ZNF140: variants seen among roughly 807,000 people sequenced by gnomAD.
The protein encoded by ZNF140 is zinc finger protein 140.
ZNF140 carries 13 observed loss-of-function variants against 12.9 expected under a neutral mutation model. The observed-to-expected ratio is 1.01, with a 90% CI of 0.66 to 1.60. ZNF140 has a LOEUF of 1.60. Ranked by LOEUF, ZNF140 falls within the 40% of genes most tolerant of loss-of-function variation. The pLI, the probability that ZNF140 is intolerant of heterozygous loss-of-function variation, is 0.00. For missense variants in ZNF140, 531 were observed against 548.8 expected (o/e 0.97, Z 0.32); for synonymous variants, 214 against 186.7 (o/e 1.15, Z -1.19).
chr12:133,093,136 C>T (rs1954949392), intron 4 of ZNF140, among the ~76,000 whole-genome samples: 1 of 151,110 alleles, frequency 6.6e-6, no homozygotes, highest in African/African-American at 2.5e-5. Context: ...GATAATGATA[C>T]CCAATGGAAA....
chr12:133,085,853 C>CA (rs1954657249), intron 4 of ZNF140, among the ~76,000 whole-genome samples: 1 of 151,978 alleles, frequency 6.6e-6, no homozygotes, highest in Admixed American at 6.6e-5. Context: ...CCTGTCTCCA[C>CA]AAAAAAATTT....
At chr12:133,100,956 T>C (rs2316162) in intron 4 of ZNF140, 126,778 of 452,156 alleles carry the variant, frequency 0.28, 18,633 homozygotes, top group African/African-American at 0.35. Flanking sequence ...TCTGGAATTT[T>C]CTATTTAATA....
rs905226 is a variant in ZNF140 at position 133,106,675 on chromosome 12, T to C, written c.*24T>C. The C allele has an allele frequency of 0.53, 805,582 of 1,526,046 alleles. 217,386 individuals are homozygous for C. Among genetic ancestry groups the C allele is most frequent in the Non-Finnish European group, 0.56 (636,778 of 1,144,136 alleles). The allele number at this position is 1,526,046 out of a possible 1,614,324, so 94.5% of individuals were successfully genotyped here. ...GAATTTACACTGCAAAGAAAAACTA[T>C]GAATGTATGGAATTTTTTAAAAAGA... On this transcript the variant is annotated 3_prime_UTR_variant, in exon 5 of 5. Transcript: ENST00000355557.
chr12:133,081,293 C>G lies in ZNF140; in HGVS notation c.-28C>G. 6.5e-7 allele frequency: 1 copy of G among 1,543,028 alleles called. No individual in the cohort carries two copies. Among genetic ancestry groups the G allele is most frequent in the Non-Finnish European group, 8.8e-7 (1 of 1,135,826 alleles). On this transcript the variant is annotated 5_prime_UTR_variant, in exon 2 of 5. Coordinates refer to ENST00000355557, the MANE Select transcript of ZNF140 (RefSeq NM_003440.4). ...GCCAGGTCTGCCATTTTACACTTTT[C>G]TGATCTCCTCCTTCCCTTCTGTGAG... is the stretch of plus-strand genomic sequence containing the variant.
Position 133,106,465 on chromosome 12 carries a change from G to A in ZNF140, c.1188G>A (p.Arg396=), listed in dbSNP as rs750358344. Residue 396 remains arginine (R), a synonymous_variant, in exon 5 of 5, where the codon CGG becomes CGA. Transcript: ENST00000355557. ...CTGAATGTGATAAAGCCTTCAGCCG[G>A]AGCTTTTCCCTCATTCTACATCAGA... The part of the protein sequence containing the change: ...ACAECDKAFS[R]SFSLILHQRT... 2 of 1,613,948 alleles carry A rather than the reference G, an allele frequency of 1.2e-6. No homozygotes were observed. Among genetic ancestry groups the A allele is most frequent in the Non-Finnish European group, 1.7e-6 (2 of 1,179,968 alleles).
At chr12:133,088,464 T>C (rs1269863944) in intron 4 of ZNF140, among the ~76,000 whole-genome samples, 1 of 152,242 alleles carries the variant, frequency 6.6e-6, no homozygotes, top group Admixed American at 6.5e-5. Context: ...CACTGAATAA[T>C]ATTCCATTGT....
intron 4 of ZNF140, among the ~76,000 whole-genome samples, chr12:133,092,581 T>A (rs921612435): frequency 1.3e-4 from 19 of 151,336 alleles, no homozygotes; most frequent in Non-Finnish European, 7.4e-5. Flanking sequence ...TGAGCTTCCA[T>A]AATTTTGGGT....
At chr12:133,084,968 G>A (rs1954626494) in intron 4 of ZNF140, among the ~76,000 whole-genome samples, 2 of 151,788 alleles carry the variant, frequency 1.3e-5, no homozygotes, top group African/African-American at 4.8e-5. Context: ...ACTGATAAAA[G>A]CATGTACAAA....
chr12:133,090,878 T>C lies in ZNF140; in HGVS notation c.232+7317T>C, dbSNP rs902240924. Among the ~76,000 whole-genome samples the C allele has an allele frequency of 6.6e-5, 9 of 136,102 alleles. No individual in the cohort carries two copies. The South Asian group carries it at 1.2e-3, about 18-fold the overall frequency. 89.3% of individuals were successfully genotyped at this position (136,102 alleles called of 152,430 possible). On this transcript the variant is annotated intron_variant, in intron 4 of 4. Coordinates refer to ENST00000355557, the MANE Select transcript of ZNF140 (RefSeq NM_003440.4). Reference sequence around the variant, plus strand: ...TGCATGTAATCCAGATTTATGTTTCTCTCCACCCAAACATCTCAGCGGAGT... The same window carrying C: ...TGCATGTAATCCAGATTTATGTTTCCCTCCACCCAAACATCTCAGCGGAGT...
intron 4 of ZNF140, chr12:133,093,318 C>T: frequency 1.6e-6 from 1 of 636,376 alleles, no homozygotes; most frequent in South Asian, 1.7e-5. Flanking sequence ...GTTGTAGCGG[C>T]TCCTGCAGAC....
intron 4 of ZNF140, among the ~76,000 whole-genome samples, chr12:133,099,974 C>T (rs1955277252): frequency 6.6e-6 from 1 of 151,152 alleles, no homozygotes; most frequent in African/African-American, 2.4e-5. Flanking sequence ...TTTCACTCCA[C>T]TCTCCTTGTT....
chr12:133,081,305 T>A lies in ZNF140; in HGVS notation c.-16T>A. 6.6e-7 allele frequency: 1 copy of A among 1,516,572 alleles called. No homozygotes were observed. Among genetic ancestry groups the A allele is most frequent in the Non-Finnish European group, 8.9e-7 (1 of 1,117,994 alleles). 93.9% of individuals were successfully genotyped at this position (1,516,572 alleles called of 1,614,324 possible). A position where few individuals can be genotyped will look rare whatever the true frequency, so the allele number is the denominator to read the frequency against. ...ATTTTACACTTTTCTGATCTCCTCCTTCCCTTCTGTGAGCTATGTCTCAGG... is the reference window on the plus strand; with the variant it reads ...ATTTTACACTTTTCTGATCTCCTCCATCCCTTCTGTGAGCTATGTCTCAGG... On this transcript the variant is annotated 5_prime_UTR_variant, in exon 2 of 5. Transcript: ENST00000355557.
At chr12:133,081,775 A>C in intron 2 of ZNF140, 1 of 269,212 alleles carries the variant, frequency 3.7e-6, no homozygotes, top group Non-Finnish European at 7.5e-6. Flanking sequence ...GCTTTACGTT[A>C]CTCCAGCGCC....
Position 133,083,088 on chromosome 12 carries a change from T to A in ZNF140, c.10-15T>A. 2.5e-6 allele frequency: 4 copies of A among 1,614,184 alleles called. No homozygotes were observed. In the South Asian group the frequency reaches 4.4e-5, roughly 18 times the overall value. ...CATGCGTGCTGGTCATGCAAATATC[T>A]GTCCGTCATTTCAGGGGTCAGTGAC... On this transcript the variant is annotated splice_polypyrimidine_tract_variant and intron_variant, in intron 2 of 4. Coordinates refer to ENST00000355557, the MANE Select transcript of ZNF140 (RefSeq NM_003440.4).
Position 133,106,322 on chromosome 12 carries a change from A to C in ZNF140, c.1045A>C (p.Arg349=), listed in dbSNP as rs1955594208. 1.2e-6 allele frequency: 2 copies of C among 1,614,216 alleles called. No homozygotes were observed. Among genetic ancestry groups the C allele is most frequent in the Non-Finnish European group, 1.7e-6 (2 of 1,180,028 alleles). ...TCACTCATTCCTTATTAAACATCAG[A>C]GAATTCATGCTGGAGAAAAGCTCTA... ...RCHSFLIKHQ[R]IHAGEKLYEC... Residue 349 remains arginine, a synonymous_variant, in exon 5 of 5, where the codon AGA becomes CGA. Transcript: ENST00000355557.
chr12:133,084,071 T>G (rs1954593000), intron 4 of ZNF140: 8 of 377,540 alleles, frequency 2.1e-5, no homozygotes, highest in Middle Eastern at 3.7e-4. Flanking sequence ...ACAGCTGACA[T>G]AGTCGACCAG....
intron 4 of ZNF140, among the ~76,000 whole-genome samples, chr12:133,086,111 G>A (rs946062079): frequency 2.0e-5 from 3 of 152,170 alleles, no homozygotes; most frequent in Admixed American, 6.5e-5. Flanking sequence ...CTACTATTGA[G>A]GGCTTCTTAA....
intron 4 of ZNF140, among the ~76,000 whole-genome samples, chr12:133,100,136 A>G (rs1955284104): frequency 7.0e-6 from 1 of 142,304 alleles, no homozygotes; most frequent in Non-Finnish European, 1.5e-5. Flanking sequence ...CATGTCTTCC[A>G]TCCAAAAATT....
chr12:133,081,348 A>AAAAAATATAT lies in ZNF140; in HGVS notation c.9+20_9+21insAAAATATATA. ...GTCTCAGGTAAGCTAATGATTGATAAATATATATATATATATATATATAAA... is the reference window on the plus strand; with the variant it reads ...GTCTCAGGTAAGCTAATGATTGATAAAAAAATATATATATATATATATATATATATATAAA... On this transcript the variant is annotated intron_variant, in intron 2 of 4. Coordinates refer to ENST00000355557, the MANE Select transcript of ZNF140 (RefSeq NM_003440.4). 2 of 317,000 alleles carry AAAAAATATAT rather than the reference A, an allele frequency of 6.3e-6. No individual in the cohort carries two copies. Among genetic ancestry groups the AAAAAATATAT allele is most frequent in the Non-Finnish European group, 1.2e-5 (2 of 171,710 alleles). The allele number at this position is 317,000 out of a possible 1,614,324, so 19.6% of individuals were successfully genotyped here.
Sources: allele counts gnomAD v4.1 joint callset (sites outside exome capture counted in the v4.1 genomes callset), GRCh38; gene constraint gnomAD v4.1.1; transcripts MANE v1.5; gene names NCBI Gene and HGNC (gene_info 2026-07-23, HGNC 2026-07-21).